The following CSMD1 variants were observed in gnomAD, a reference collection of about 807,000 sequenced individuals.
The protein encoded by CSMD1 is CUB and sushi domain-containing protein 1.
CSMD1 carries 213 observed loss-of-function variants against 417.5 expected under a neutral mutation model. The observed-to-expected ratio is 0.51, with a 90% confidence interval of 0.46 to 0.57. The LOEUF (loss-of-function observed/expected upper bound fraction) is 0.57. Among genes scored for constraint, CSMD1 ranks in the 20% least tolerant of loss-of-function variants. The pLI, the probability that CSMD1 is intolerant of heterozygous loss-of-function variation, is 0.00. For synonymous variants in CSMD1, 2,862 were observed against 1,736.8 expected, an observed-to-expected ratio of 1.65 and a Z score of -16.11; for missense variants, 6,923 against 4,529.7, an observed-to-expected ratio of 1.53 and a Z score of -15.17.
chr8:4,518,049 C>G (rs1010126534), intron 2 of CSMD1, among the ~76,000 whole-genome samples: 2 of 152,066 alleles, frequency 1.3e-5, no homozygotes, highest in African/African-American at 4.8e-5. Context: ...GCACAGCTCA[C>G]GGAAAGGTTT....
intron 2 of CSMD1, among the ~76,000 whole-genome samples, chr8:4,619,646 C>T (rs531700868): frequency 1.0e-3 from 158 of 151,938 alleles, no homozygotes; most frequent in Non-Finnish European, 7.2e-4. Flanking sequence ...CCACATGGGA[C>T]GTCATATTTT....
chr8:3,890,822 G>C (rs1335047152), intron 5 of CSMD1, among the ~76,000 whole-genome samples: 1 of 152,038 alleles, frequency 6.6e-6, no homozygotes, highest in South Asian at 2.1e-4. Context: ...AGTAATATCT[G>C]TTTAAATAAA....
In CSMD1 at chr8:4,183,279, A is replaced by C. The variant is rs76915866; in HGVS notation, c.416-151180T>G. On this transcript the variant is annotated intron_variant, in intron 3 of 69. Coordinates refer to ENST00000635120, the MANE Select transcript of CSMD1 (RefSeq NM_033225.6). Reference sequence around the variant, plus strand: ...AGACTGAAAATTTAATTCTGTAAAAAAATATTTACACTACAGAATCAGCAA... The same window carrying C: ...AGACTGAAAATTTAATTCTGTAAAACAATATTTACACTACAGAATCAGCAA... 1.2e-4 allele frequency among the ~76,000 whole-genome samples: 19 copies of C among 152,212 alleles called. No homozygotes were observed. In the East Asian group the frequency reaches 3.7e-3, roughly 29 times the overall value.
At chr8:4,893,212 T>C (rs185995857) in intron 1 of CSMD1, among the ~76,000 whole-genome samples, 27 of 152,290 alleles carry the variant, frequency 1.8e-4, no homozygotes, top group Admixed American at 6.5e-4. Context: ...AATAGTTGTA[T>C]TGGTATCTGA....
At chr8:4,537,904 C>T (rs1215948875) in intron 2 of CSMD1, among the ~76,000 whole-genome samples, 1 of 152,208 alleles carries the variant, frequency 6.6e-6, no homozygotes, top group South Asian at 2.1e-4. Flanking sequence ...ATTAGTTATT[C>T]TCTCTTTGTG....
At chr8:3,704,519 G>A (rs3739356) in intron 7 of CSMD1, among the ~76,000 whole-genome samples, 18,651 of 152,178 alleles carry the variant, frequency 0.12, 1,128 homozygotes, top group Non-Finnish European at 0.14. Flanking sequence ...TTAGAAAAGT[G>A]ACTCAAACAG....
intron 3 of CSMD1, among the ~76,000 whole-genome samples, chr8:4,281,752 T>A (rs1291254107): frequency 6.6e-6 from 1 of 152,216 alleles, no homozygotes; most frequent in Non-Finnish European, 1.5e-5. Context: ...CTCTACTTGT[T>A]TTCAAAATAC....
At chr8:3,884,655 A>T (rs1408107353) in intron 5 of CSMD1, among the ~76,000 whole-genome samples, 1 of 152,128 alleles carries the variant, frequency 6.6e-6, no homozygotes, top group Non-Finnish European at 1.5e-5. Context: ...TGACCAATAA[A>T]TTCTGGATAT....
At chr8:3,914,314 G>C (rs539985789) in intron 5 of CSMD1, among the ~76,000 whole-genome samples, 3 of 151,978 alleles carry the variant, frequency 2.0e-5, no homozygotes, top group South Asian at 2.1e-4. Context: ...TTTTAAGAAC[G>C]AGGAAGAGAA....
At chr8:3,462,667 T>A (rs530742599) in intron 12 of CSMD1, among the ~76,000 whole-genome samples, 1 of 152,230 alleles carries the variant, frequency 6.6e-6, no homozygotes, top group East Asian at 1.9e-4. Flanking sequence ...CACATTACAT[T>A]GTAATAATAG....
At chr8:4,336,664 A>G (rs1800191898) in intron 3 of CSMD1, among the ~76,000 whole-genome samples, 1 of 152,134 alleles carries the variant, frequency 6.6e-6, no homozygotes, top group African/African-American at 2.4e-5. Flanking sequence ...CAGCTTTCAC[A>G]TCTGTGACAT....
chr8:4,955,921 C>T (rs1471851943), intron 1 of CSMD1, among the ~76,000 whole-genome samples: 1 of 152,172 alleles, frequency 6.6e-6, no homozygotes, highest in East Asian at 1.9e-4. Flanking sequence ...TTTAAAAAGC[C>T]ATCCAGGCGA....
chr8:4,176,322 T>G (rs1157268891), intron 3 of CSMD1, among the ~76,000 whole-genome samples: 1 of 152,198 alleles, frequency 6.6e-6, no homozygotes, highest in East Asian at 1.9e-4. Context: ...TATTGTTTGC[T>G]GACGTCAACC....
chr8:2,964,159 G>A (rs1342338775), intron 59 of CSMD1, among the ~76,000 whole-genome samples: 2 of 152,204 alleles, frequency 1.3e-5, no homozygotes, highest in Non-Finnish European at 1.5e-5. Context: ...GTTTCCAAGT[G>A]ACCCTGTAGG....
At chr8:4,185,510 C>T (rs866251485) in intron 3 of CSMD1, among the ~76,000 whole-genome samples, 3 of 152,238 alleles carry the variant, frequency 2.0e-5, no homozygotes, top group South Asian at 2.1e-4. Context: ...AAACACTATT[C>T]TGCTAATACA....
chr8:2,973,384 G>A (rs186942901), intron 56 of CSMD1, 85 bp from the exon 57 acceptor site: 1 of 1,372,828 alleles, frequency 7.3e-7, no homozygotes, highest in East Asian at 2.3e-5. Context: ...ATAATGAAAA[G>A]TTGTTGAAAT....
chr8:4,850,337 C>A (rs1223624645), intron 1 of CSMD1, among the ~76,000 whole-genome samples: 1 of 142,016 alleles, frequency 7.0e-6, no homozygotes, highest in East Asian at 2.1e-4. Flanking sequence ...TCTTAATGGT[C>A]TCTTTGAAGA....
At chr8:3,931,887 T>C (rs1200733770) in intron 5 of CSMD1, among the ~76,000 whole-genome samples, 2 of 145,220 alleles carry the variant, frequency 1.4e-5, no homozygotes, top group Non-Finnish European at 3.0e-5. Flanking sequence ...TTGTCAGACA[T>C]TGTAGGAAAA....
At chr8:3,988,504 G>C (rs1171461480) in intron 5 of CSMD1, among the ~76,000 whole-genome samples, 11 of 152,190 alleles carry the variant, frequency 7.2e-5, no homozygotes, top group East Asian at 1.9e-4. Flanking sequence ...GCACCAACCA[G>C]AGCTGAACGA....
Sources: allele counts gnomAD v4.1 joint callset (sites outside exome capture counted in the v4.1 genomes callset), GRCh38; gene constraint gnomAD v4.1.1; transcripts MANE v1.5; gene names NCBI Gene and HGNC (gene_info 2026-07-23, HGNC 2026-07-21).